The following SNPH variants were observed in gnomAD, a reference collection of about 807,000 sequenced individuals.
SNPH encodes the protein syntaphilin.
In SNPH, 10 loss-of-function variants were observed where a neutral mutation model predicts 36.8. The ratio of observed to expected loss-of-function variants is 0.27; its 90% CI spans 0.17 to 0.46. The LOEUF is 0.46. Ranked by LOEUF, SNPH falls within the 20% of genes least tolerant of loss-of-function variation. SNPH has a pLI of 1.00. For synonymous variants in SNPH, 281 were observed against 312.2 expected, an observed-to-expected ratio of 0.90 and a Z score of 1.05; for missense variants, 622 against 744.0, an observed-to-expected ratio of 0.84 and a Z score of 1.91.
rs2088573190 is a variant in SNPH, at chr20:1,305,997, C to T, written c.1560C>T (p.Ser520=). 16 of 1,530,156 alleles carry T rather than the reference C, an allele frequency of 1.0e-5. No individual in the cohort carries two copies. Among genetic ancestry groups the T allele is most frequent in the Non-Finnish European group, 1.4e-5 (16 of 1,138,596 alleles). 94.8% of individuals were successfully genotyped at this position (1,530,156 alleles called of 1,614,324 possible). ...CCTTGCACTCCATCCGCAGGATCAG[C>T]TGCCGCTCGCTGAGCCAGCCGAGTC... ...TVALHSIRRI[S]CRSLSQPSPS... Residue 520 remains serine (S), a synonymous_variant, in exon 7 of 7, where the codon AGC becomes AGT. Coordinates refer to ENST00000381867, the MANE Select transcript of SNPH (RefSeq NM_001318234.2).
At chr20:1,291,385 T>C (rs2088358719) in intron 2 of SNPH, among the ~76,000 whole-genome samples, 1 of 152,214 alleles carries the variant, frequency 6.6e-6, no homozygotes, top group Non-Finnish European at 1.5e-5. Context: ...CTAGGTTTTG[T>C]TGACAAAGGA....
At chr20:1,301,000 G>C (rs1307938847) in intron 6 of SNPH, among the ~76,000 whole-genome samples, 1 of 152,216 alleles carries the variant, frequency 6.6e-6, no homozygotes, top group Non-Finnish European at 1.5e-5. Flanking sequence ...CCCAGCTTCA[G>C]CCTGGCAGCT....
rs921779206 is a variant in SNPH at position 1,293,024 on chromosome 20, A to C, written c.-492-1927A>C. Among the ~76,000 whole-genome samples the C allele has an allele frequency of 3.9e-5, 6 of 152,328 alleles. No homozygotes were observed. The East Asian group carries it at 1.2e-3, about 29-fold the overall frequency. ...TGTGATAGGCACTGACCTAAGCCCC[A>C]TACTCACATTATTTTATGTTATTCT... On this transcript the variant is annotated intron_variant, in intron 2 of 6. Coordinates refer to ENST00000381867, the MANE Select transcript of SNPH (RefSeq NM_001318234.2).
chr20:1,266,735 G>T lies in SNPH; in HGVS notation c.-518G>T. 1 of 1,399,376 alleles carries T rather than the reference G, an allele frequency of 7.1e-7. No individual in the cohort carries two copies. Among genetic ancestry groups the T allele is most frequent in the Non-Finnish European group, 9.3e-7 (1 of 1,080,706 alleles). 86.7% of individuals were successfully genotyped at this position (1,399,376 alleles called of 1,614,324 possible). A position where few individuals can be genotyped will look rare whatever the true frequency, so the allele number is the denominator to read the frequency against. ...CGGGCCGGAGTGGTGCGAGCCGGCG[G>T]GGCTGCGGAGGGCCAGTGGACTCAG... On this transcript the variant is annotated 5_prime_UTR_variant, in exon 2 of 7. Coordinates refer to ENST00000381867, the MANE Select transcript of SNPH (RefSeq NM_001318234.2). This position sits in a 1 kb window ranked among gnomAD's most constrained non-coding sequence, Gnocchi z 6.0.
Position 1,306,225 on chromosome 20 carries a change from A to G in SNPH, c.*171A>G, listed in dbSNP as rs2088577899. ...CCGTGGAAGGAGCAGGGGTTGGAGA[A>G]AGGCATCCCAAAGCTTCGATGGAGA... On this transcript the variant is annotated 3_prime_UTR_variant, in exon 7 of 7. Coordinates refer to ENST00000381867, the MANE Select transcript of SNPH (RefSeq NM_001318234.2). 3.6e-6 allele frequency: 2 copies of G among 554,002 alleles called. No homozygotes were observed. The highest frequency in any genetic ancestry group is 5.7e-6 in the Non-Finnish European group (2 of 353,634). The allele number at this position is 554,002 out of a possible 1,614,324, so 34.3% of individuals were successfully genotyped here. A position where few individuals can be genotyped will look rare whatever the true frequency, so the allele number is the denominator to read the frequency against.
In SNPH at chr20:1,304,582, C is replaced by T. The variant is rs553466341; in HGVS notation, c.441-296C>T. ...GATGGATTTGAATGTTGAGAGTTGT[C>T]GGCATTCTGGGGGTGGTGGGGTGGG... On this transcript the variant is annotated intron_variant, in intron 6 of 6. Coordinates refer to ENST00000381867, the MANE Select transcript of SNPH (RefSeq NM_001318234.2). This position sits in a 1 kb window ranked among gnomAD's most constrained non-coding sequence, Gnocchi z 4.3. Among the ~76,000 whole-genome samples, 2 of 145,836 alleles carry T rather than the reference C, an allele frequency of 1.4e-5. No individual in the cohort carries two copies. The highest frequency in any genetic ancestry group is 3.0e-5 in the Non-Finnish European group (2 of 66,670).
Position 1,297,179 on chromosome 20 carries a change from T to C in SNPH, c.217T>C (p.Tyr73His). ...TSPPVSVRDA[Y>H]GTSSLSSSSN... is the part of the protein sequence containing the mutation. ...TCCACCTGTGAGCGTGCGGGATGCC[T>C]ACGGCACCTCTTCGCTCAGCAGCAG... The change falls in exon 5 of 7, where the codon TAC becomes CAC. Residue 73 changes from tyrosine (Y) to histidine (H), a missense_variant. Coordinates refer to ENST00000381867, the MANE Select transcript of SNPH (RefSeq NM_001318234.2). The C allele has an allele frequency of 6.2e-7, 1 of 1,613,870 alleles. No individual in the cohort carries two copies. Among genetic ancestry groups the C allele is most frequent in the South Asian group, 1.1e-5 (1 of 91,056 alleles).
rs753791883 is a variant in SNPH, at chr20:1,306,068, G to A, written c.*14G>A. ...TCCCAGCTCTGAGGGGGCCCATTCT[G>A]GCAGCGGCGCCTGCGGCCTGACCAC... On this transcript the variant is annotated 3_prime_UTR_variant, in exon 7 of 7. Coordinates refer to ENST00000381867, the MANE Select transcript of SNPH (RefSeq NM_001318234.2). The A allele has an allele frequency of 2.2e-5, 31 of 1,429,518 alleles. No individual in the cohort carries two copies. The South Asian group carries it at 2.8e-4, about 13-fold the overall frequency. The allele number at this position is 1,429,518 out of a possible 1,614,324, so 88.6% of individuals were successfully genotyped here. A position where few individuals can be genotyped will look rare whatever the true frequency, so the allele number is the denominator to read the frequency against.
rs2088404355 is a variant in SNPH at position 1,294,572 on chromosome 20, G to A, written c.-492-379G>A. Among the ~76,000 whole-genome samples, 2 of 152,218 alleles carry A rather than the reference G, an allele frequency of 1.3e-5. No individual in the cohort carries two copies. The highest frequency in any genetic ancestry group is 2.4e-5 in the African/African-American group (1 of 41,452). On this transcript the variant is annotated intron_variant, in intron 2 of 6. Transcript: ENST00000381867. The surrounding 1 kb of genome is among the most constrained non-coding windows in gnomAD (Gnocchi z 4.4). ...AAGAAGCTCAGGTGACAGGTGTGGT[G>A]TCGGCAGGTCCTGCAGCCCAGCACC...
chr20:1,273,124 C>T lies in SNPH; in HGVS notation c.-493+6364C>T, dbSNP rs920525287. Among the ~76,000 whole-genome samples, 3 of 152,162 alleles carry T rather than the reference C, an allele frequency of 2.0e-5. No homozygotes were observed. The South Asian group carries it at 6.2e-4, about 32-fold the overall frequency. On this transcript the variant is annotated intron_variant, in intron 2 of 6. Coordinates refer to ENST00000381867, the MANE Select transcript of SNPH (RefSeq NM_001318234.2). Reference sequence around the variant, plus strand: ...CGGCCTTGCAGCAGAGCTTCTGCCACCCTCTCCTTGGGTTGTGCTGTGGTC... The same window carrying T: ...CGGCCTTGCAGCAGAGCTTCTGCCATCCTCTCCTTGGGTTGTGCTGTGGTC...
At chr20:1,280,890 C>A (rs1244142894) in intron 2 of SNPH, among the ~76,000 whole-genome samples, 1 of 152,216 alleles carries the variant, frequency 6.6e-6, no homozygotes, top group Non-Finnish European at 1.5e-5. Flanking sequence ...AGGCATGATG[C>A]CCATTCCTCT....
At chr20:1,267,176 C>G (rs1176941067) in intron 2 of SNPH, among the ~76,000 whole-genome samples, 2 of 149,548 alleles carry the variant, frequency 1.3e-5, no homozygotes, top group African/African-American at 5.0e-5. Context: ...CCAATGACTG[C>G]TTCCATCCCA....
rs1229667541 is a variant in SNPH at position 1,294,148 on chromosome 20, G to C, written c.-492-803G>C. ...CCAGGCCGACCTGGGCCAGAAGCCAGAGCATGTCACACCTGCAGCTGTGTG... is the reference window on the plus strand; with the variant it reads ...CCAGGCCGACCTGGGCCAGAAGCCACAGCATGTCACACCTGCAGCTGTGTG... On this transcript the variant is annotated intron_variant, in intron 2 of 6. Transcript: ENST00000381867. The surrounding 1 kb of genome is among the most constrained non-coding windows in gnomAD (Gnocchi z 4.4). Among the ~76,000 whole-genome samples the C allele has an allele frequency of 6.6e-6, 1 of 152,246 alleles. No homozygotes were observed. The highest frequency in any genetic ancestry group is 1.5e-5 in the Non-Finnish European group (1 of 68,040).
rs1399797798 is a variant in SNPH, at chr20:1,305,488, AGCT to A, written c.1054_1056del (p.Cys352del). Reference sequence around the variant, plus strand: ...TGGCATGGAGGCTGGTGTGCAGGCCAGCTGCATGCAGGAGCGTGCCATCCAGAC... The same window carrying A: ...TGGCATGGAGGCTGGTGTGCAGGCCAGCATGCAGGAGCGTGCCATCCAGAC... On this transcript the variant is annotated inframe_deletion, in exon 7 of 7. Coordinates refer to ENST00000381867, the MANE Select transcript of SNPH (RefSeq NM_001318234.2). 6.2e-7 allele frequency: 1 copy of A among 1,613,232 alleles called. No homozygotes were observed. The highest frequency in any genetic ancestry group is 8.5e-7 in the Non-Finnish European group (1 of 1,180,022).
At chr20:1,288,960 C>A (rs576460277) in intron 2 of SNPH, among the ~76,000 whole-genome samples, 1 of 152,238 alleles carries the variant, frequency 6.6e-6, no homozygotes, top group East Asian at 1.9e-4. Flanking sequence ...AGTATGCTTA[C>A]CTCTTATGTC....
chr20:1,305,262 T>A lies in SNPH; in HGVS notation c.825T>A (p.Asp275Glu). Residue 275 changes from aspartate (D) to glutamate (E), a missense_variant, in exon 7 of 7, where the codon GAT becomes GAA. Transcript: ENST00000381867. ...PAVCGDRQPG[D>E]PSSGSAEDGA... is the part of the protein sequence containing the mutation. ...TCTGTGGTGACCGCCAGCCGGGTGA[T>A]CCCTCCAGCGGCTCTGCTGAGGATG... is the stretch of plus-strand genomic sequence containing the variant. 6.2e-7 allele frequency: 1 copy of A among 1,610,876 alleles called. No homozygotes were observed. Among genetic ancestry groups the A allele is most frequent in the East Asian group, 2.2e-5 (1 of 44,856 alleles).
chr20:1,281,126 G>A (rs1363788666), intron 2 of SNPH, among the ~76,000 whole-genome samples: 4 of 152,294 alleles, frequency 2.6e-5, no homozygotes, highest in East Asian at 3.9e-4. Flanking sequence ...AGAGGCCTGG[G>A]CGTCATCACA....
chr20:1,299,690 G>A (rs762794229), intron 5 of SNPH, among the ~76,000 whole-genome samples: 11 of 152,212 alleles, frequency 7.2e-5, no homozygotes, highest in Admixed American at 1.3e-4. Context: ...GAGCCGGCAG[G>A]TGTTCACGTG....
intron 5 of SNPH, among the ~76,000 whole-genome samples, chr20:1,300,199 G>A (rs1413314324): frequency 6.6e-6 from 1 of 152,188 alleles, no homozygotes; most frequent in Non-Finnish European, 1.5e-5. Context: ...TGAGGCCAGC[G>A]GCCCCTCTAA....
Sources: gnomAD v4.1 joint callset for allele counts (sites outside exome capture counted in the v4.1 genomes callset) on GRCh38, gnomAD v4.1.1 for gene constraint, Gnocchi (gnomAD v3.1) non-coding constraint, MANE v1.5 for transcripts, NCBI Gene and HGNC (gene_info 2026-07-23, HGNC 2026-07-21) for gene names.